ZNF341: variants seen among roughly 807,000 people sequenced by gnomAD.
ZNF341 encodes the protein zinc finger protein 341.
Under a neutral mutation model 87.7 loss-of-function variants are expected in ZNF341, and 52 were observed. The observed-to-expected ratio is 0.59, with a 90% CI of 0.47 to 0.75. The LOEUF is 0.75. ZNF341 is among the 30% of genes least tolerant of loss of function. The pLI is 0.00. For synonymous variants in ZNF341, 459 were observed against 472.7 expected (o/e 0.97, Z 0.38); for missense variants, 977 against 1,145.9 (o/e 0.85, Z 2.13).
chr20:33,781,472 T>C (rs2019742844), intron 11 of ZNF341, 85 bp downstream of exon 11: 1 of 1,229,860 alleles, frequency 8.1e-7, no homozygotes, highest in Non-Finnish European at 1.2e-6. Context: ...ACCCTTTCCT[T>C]CTCCTCTCTC....
chr20:33,756,342 C>T (rs1025776563), intron 5 of ZNF341, among the ~76,000 whole-genome samples: 4 of 151,534 alleles, frequency 2.6e-5, no homozygotes, highest in African/African-American at 9.7e-5. Flanking sequence ...GCACAGACCC[C>T]TCTGACTTCC....
chr20:33,764,305 G>A (rs938538621), intron 8 of ZNF341, among the ~76,000 whole-genome samples: 7 of 150,648 alleles, frequency 4.6e-5, no homozygotes, highest in African/African-American at 1.7e-4. Flanking sequence ...GGGATTACAG[G>A]CGTGAGCCAC....
chr20:33,742,944 C>T (rs1422552022), intron 2 of ZNF341, among the ~76,000 whole-genome samples: 4 of 151,870 alleles, frequency 2.6e-5, no homozygotes, highest in South Asian at 2.1e-4. Context: ...AAGAAGGATA[C>T]GAGTTGAGAG....
chr20:33,734,946 T>C (rs958237578), intron 1 of ZNF341, among the ~76,000 whole-genome samples: 1 of 151,750 alleles, frequency 6.6e-6, no homozygotes, highest in Non-Finnish European at 1.5e-5. Context: ...CCTCAAGTGA[T>C]CCACCCATCT....
intron 13 of ZNF341, 119 bp downstream of exon 13, chr20:33,789,093 G>A: frequency 1.6e-6 from 1 of 643,668 alleles, no homozygotes. Flanking sequence ...TTTTTTTTTT[G>A]GAGACATAGT....
intron 8 of ZNF341, among the ~76,000 whole-genome samples, chr20:33,764,629 G>A (rs2019368938): frequency 7.7e-6 from 1 of 129,630 alleles, no homozygotes; most frequent in South Asian, 2.6e-4. Flanking sequence ...CTGGAGTGCA[G>A]TGGTGCGATC....
At position 33,770,076 on chromosome 20, in the gene ZNF341, C is replaced by T. The variant is rs963764543; in HGVS notation, c.1414-8C>T. On this transcript the variant is annotated splice_region_variant and splice_polypyrimidine_tract_variant and intron_variant, in intron 9 of 14. Coordinates refer to ENST00000375200, the MANE Select transcript of ZNF341 (RefSeq NM_001282933.2). ...CCTCCTGTCACCTGCCCAGCGTCTT[C>T]CCTCAAGGTGTACAAGTGTGTGGTC... The T allele has an allele frequency of 1.2e-6, 2 of 1,610,658 alleles. No individual in the cohort carries two copies. Among genetic ancestry groups the T allele is most frequent in the South Asian group, 2.2e-5 (2 of 90,758 alleles).
At chr20:33,747,342 G>A (rs1177089164) in intron 3 of ZNF341, among the ~76,000 whole-genome samples, 1 of 136,374 alleles carries the variant, frequency 7.3e-6, no homozygotes, top group Non-Finnish European at 1.5e-5. Flanking sequence ...TTGGCCGGGC[G>A]CGGTGGCTCA....
chr20:33,738,813 A>T (rs999048853), intron 1 of ZNF341, among the ~76,000 whole-genome samples: 4 of 152,178 alleles, frequency 2.6e-5, no homozygotes, highest in Non-Finnish European at 5.9e-5. Flanking sequence ...TCCCAGGCAC[A>T]GTGTGGTGAG....
chr20:33,756,395 C>T (rs1411242502), intron 5 of ZNF341, among the ~76,000 whole-genome samples: 8 of 146,866 alleles, frequency 5.4e-5, no homozygotes, highest in Middle Eastern at 3.6e-3. Flanking sequence ...GAGACAGAGT[C>T]TCACTCCATC....
intron 10 of ZNF341, among the ~76,000 whole-genome samples, chr20:33,773,726 G>A (rs2019571512): frequency 6.6e-6 from 1 of 152,162 alleles, no homozygotes; most frequent in Non-Finnish European, 1.5e-5. Context: ...TGTTATTTAA[G>A]TAGAAGTTTG....
Position 33,770,226 on chromosome 20 carries a change from G to C in ZNF341, c.1556G>C (p.Gly519Ala). The C allele has an allele frequency of 6.2e-7, 1 of 1,614,096 alleles. No homozygotes were observed. The highest frequency in any genetic ancestry group is 8.5e-7 in the Non-Finnish European group (1 of 1,180,016). Residue 519 changes from glycine (G) to alanine (A), a missense_variant, in exon 10 of 15, where the codon GGC becomes GCC. Around this residue, in one of 3 missense-constraint regions of ZNF341, gnomAD observed 241 missense variants for 335.0 expected, o/e 0.72. Coordinates refer to ENST00000375200, the MANE Select transcript of ZNF341 (RefSeq NM_001282933.2). The stretch of plus-strand genomic sequence containing the variant: ...GACTTCCCCTCGCTGTACGACCTGG[G>C]CGTGCACCAGTACTCCCACAGCCTC... ...GKDFPSLYDL[G>A]VHQYSHSLLP...
intron 2 of ZNF341, 122 bp from the exon 3 acceptor site, chr20:33,744,981 T>G: frequency 1.2e-6 from 1 of 832,996 alleles, no homozygotes; most frequent in East Asian, 2.5e-5. Flanking sequence ...AGATTGCTGC[T>G]TGTGGTCAGC....
At chr20:33,733,906 GA>G (rs1257306203) in intron 1 of ZNF341, among the ~76,000 whole-genome samples, 2 of 152,242 alleles carry the variant, frequency 1.3e-5, no homozygotes, top group Admixed American at 6.5e-5. Flanking sequence ...TTCCTACTGT[GA>G]ATAACATAAG....
intron 5 of ZNF341, among the ~76,000 whole-genome samples, chr20:33,756,936 G>A (rs2019188568): frequency 6.6e-6 from 1 of 152,162 alleles, no homozygotes; most frequent in African/African-American, 2.4e-5. Context: ...AATCCAGGCA[G>A]CCTGGCTCCA....
At position 33,783,841 on chromosome 20, in the gene ZNF341, A is replaced by G. The variant is rs780984264; in HGVS notation, c.1829A>G (p.Lys610Arg). The G allele has an allele frequency of 6.2e-7, 1 of 1,613,410 alleles. No homozygotes were observed. ...KKFFRREHYL[K>R]LHAHIHSGEK... ...TTCTTCCGGCGGGAGCATTATCTCA[A>G]ACTGCATGCTCACATCCACTCGGGT... The change falls in exon 12 of 15, where the codon AAA (lysine) becomes AGA (arginine). Residue 610 changes from lysine (K) to arginine (R), a missense_variant. Lys to Arg is a conservative substitution (Grantham distance 26). Transcript: ENST00000375200.
At chr20:33,757,444 C>A in intron 6 of ZNF341, 101 bp downstream of exon 6, 1 of 1,075,536 alleles carries the variant, frequency 9.3e-7, no homozygotes, top group Non-Finnish European at 1.2e-6. Context: ...AGTTTGGTTG[C>A]ATGTAATAGA....
At chr20:33,775,207 G>GTTTTTTTTTT (rs1251152193) in intron 10 of ZNF341, among the ~76,000 whole-genome samples, 1 of 149,590 alleles carries the variant, frequency 6.7e-6, no homozygotes, top group African/African-American at 2.5e-5. Flanking sequence ...AGTTGAAAGG[G>GTTTTTTTTTT]TTTTGTTTTT....
intron 12 of ZNF341, 50 bp downstream of exon 12, chr20:33,783,914 C>A (rs1314178528): frequency 1.3e-6 from 2 of 1,543,536 alleles, no homozygotes; most frequent in Non-Finnish European, 1.8e-6. Flanking sequence ...CCCTCCCCCT[C>A]CCCCTCTCCT....
Sources: gnomAD v4.1 joint callset for allele counts (sites outside exome capture counted in the v4.1 genomes callset) on GRCh38, gnomAD v4.1.1 for gene constraint, gnomAD v4.1.1 regional missense constraint, MANE v1.5 for transcripts, NCBI Gene and HGNC (gene_info 2026-07-23, HGNC 2026-07-21) for gene names.